The following CSMD3 variants were observed in gnomAD, a reference collection of about 807,000 sequenced individuals.
The protein encoded by CSMD3 is CUB and Sushi multiple domains 3.
CSMD3 carries 177 observed loss-of-function variants against 435.2 expected under a neutral mutation model. That is an observed-to-expected ratio of 0.41 (90% CI 0.36 to 0.46). The LOEUF (loss-of-function observed/expected upper bound fraction) is 0.46, where lower values mean the gene tolerates loss of function less well. Ranked by LOEUF, CSMD3 falls within the 20% of genes least tolerant of loss-of-function variation. The pLI is 0.34. For synonymous variants in CSMD3, 1,656 were observed against 1,520.5 expected, an observed-to-expected ratio of 1.09 and a Z score of -2.07; for missense variants, 4,265 against 4,504.6, an observed-to-expected ratio of 0.95 and a Z score of 1.52.
intron 4 of CSMD3, among the ~76,000 whole-genome samples, chr8:113,117,384 T>C (rs2090862681): frequency 6.6e-6 from 1 of 152,176 alleles, no homozygotes. Flanking sequence ...AAGTCAAGAA[T>C]TGAGGTTTGG....
intron 1 of CSMD3, among the ~76,000 whole-genome samples, chr8:113,320,925 T>G (rs1378937012): frequency 1.3e-5 from 2 of 151,950 alleles, no homozygotes; most frequent in East Asian, 3.9e-4. Flanking sequence ...GCATACCATG[T>G]AGAAACTAGT....
chr8:113,130,249 T>C (rs2091250846), intron 4 of CSMD3, among the ~76,000 whole-genome samples: 1 of 152,096 alleles, frequency 6.6e-6, no homozygotes, highest in African/African-American at 2.4e-5. Context: ...TAGGACTTTG[T>C]CAAATAGAAG....
chr8:112,899,562 T>A (rs565967486), intron 10 of CSMD3, among the ~76,000 whole-genome samples: 3 of 141,792 alleles, frequency 2.1e-5, no homozygotes, highest in Non-Finnish European at 3.1e-5. Context: ...GGGTTAGGTA[T>A]CTATACCAAC....
intron 32 of CSMD3, among the ~76,000 whole-genome samples, chr8:112,419,564 G>A (rs1280615825): frequency 6.6e-6 from 1 of 152,026 alleles, no homozygotes; most frequent in Non-Finnish European, 1.5e-5. Context: ...CAATTTCTTT[G>A]TGTGATACTT....
chr8:112,621,325 A>G (rs1251782670), intron 22 of CSMD3, among the ~76,000 whole-genome samples: 1 of 152,166 alleles, frequency 6.6e-6, no homozygotes, highest in Non-Finnish European at 1.5e-5. Flanking sequence ...GTATACAGAC[A>G]TCCTCTGGCA....
intron 7 of CSMD3, among the ~76,000 whole-genome samples, chr8:112,965,401 G>A (rs909829879): frequency 6.6e-6 from 1 of 151,828 alleles, no homozygotes; most frequent in Non-Finnish European, 1.5e-5. Context: ...GATATAGTGT[G>A]TTAATATAAA....
At chr8:112,724,061 A>C (rs1271198931) in intron 13 of CSMD3, among the ~76,000 whole-genome samples, 1 of 152,078 alleles carries the variant, frequency 6.6e-6, no homozygotes, top group Non-Finnish European at 1.5e-5. Flanking sequence ...AAATTATATA[A>C]TATTAGAAGG....
At chr8:112,676,041 A>G (rs1427023780) in intron 16 of CSMD3, among the ~76,000 whole-genome samples, 1 of 152,148 alleles carries the variant, frequency 6.6e-6, no homozygotes, top group Non-Finnish European at 1.5e-5. Flanking sequence ...AATGACTGAA[A>G]TAATAGAGTT....
intron 38 of CSMD3, among the ~76,000 whole-genome samples, chr8:112,366,596 C>T (rs1056795299): frequency 1.3e-5 from 2 of 152,116 alleles, no homozygotes. Flanking sequence ...TAGGGTTTCA[C>T]CATGTTGGCC....
intron 13 of CSMD3, among the ~76,000 whole-genome samples, chr8:112,758,514 C>T (rs4876294): frequency 1.3e-5 from 2 of 151,854 alleles, no homozygotes; most frequent in Non-Finnish European, 2.9e-5. Context: ...AATCTTGACA[C>T]GAGTCCAGTT....
At chr8:112,248,501 G>A (rs113637931) in intron 63 of CSMD3, among the ~76,000 whole-genome samples, 1 of 152,102 alleles carries the variant, frequency 6.6e-6, no homozygotes, top group African/African-American at 2.4e-5. Context: ...ATGATTAGAG[G>A]TGGAGGATGA....
At chr8:112,977,458 T>C (rs980739646) in intron 6 of CSMD3, among the ~76,000 whole-genome samples, 21 of 152,094 alleles carry the variant, frequency 1.4e-4, no homozygotes, top group Non-Finnish European at 2.6e-4. Flanking sequence ...GGTTTGAGAA[T>C]ACTCTGCCTT....
chr8:112,719,977 G>A (rs528177104), intron 13 of CSMD3, among the ~76,000 whole-genome samples: 10 of 152,210 alleles, frequency 6.6e-5, no homozygotes, highest in East Asian at 3.9e-4. Flanking sequence ...TGAGAGAGAC[G>A]AAGAACCTAT....
intron 10 of CSMD3, among the ~76,000 whole-genome samples, chr8:112,859,740 G>T (rs1042183191): frequency 5.3e-5 from 8 of 150,970 alleles, no homozygotes; most frequent in East Asian, 1.9e-4. Flanking sequence ...ATGAATTAAA[G>T]AACTCAGACT....
chr8:113,116,898 A>G (rs1411391476), intron 4 of CSMD3, among the ~76,000 whole-genome samples: 6 of 152,160 alleles, frequency 3.9e-5, no homozygotes, highest in Non-Finnish European at 5.9e-5. Flanking sequence ...TGCCTTAAAG[A>G]TCTGTGGAGA....
In CSMD3 at chr8:112,255,307, G is replaced by A. The variant is rs536934063; in HGVS notation, c.9983C>T (p.Thr3328Ile). 1.4e-5 allele frequency: 22 copies of A among 1,613,480 alleles called. No individual in the cohort carries two copies. The East Asian group carries it at 4.2e-4, about 31-fold the overall frequency. The change falls in exon 62 of 71, where the codon ACC becomes ATC. Residue 3328 changes from threonine to isoleucine, a missense_variant. This residue lies in a region of CSMD3 where 3,255 missense variants were observed against 3,380.2 expected (regional missense o/e 0.96). Transcript: ENST00000297405. Reference protein sequence around the residue: ...NFPFILVGSSTRICQADGTWS... With the variant: ...NFPFILVGSSIRICQADGTWS... ...AGTGCCATCTGCTTGACATATTCTG[G>A]TGCTTGATCCCACTAATATGAAAGG...
chr8:112,909,138 T>C (rs1262485293), intron 10 of CSMD3, among the ~76,000 whole-genome samples: 1 of 151,586 alleles, frequency 6.6e-6, no homozygotes, highest in East Asian at 1.9e-4. Flanking sequence ...AATAAATATA[T>C]ACTTGTAAAT....
At chr8:113,389,491 G>A (rs2094452871) in intron 1 of CSMD3, among the ~76,000 whole-genome samples, 1 of 151,568 alleles carries the variant, frequency 6.6e-6, no homozygotes, top group African/African-American at 2.4e-5. Flanking sequence ...CTTTTGATGT[G>A]CCATATATTG....
intron 28 of CSMD3, among the ~76,000 whole-genome samples, chr8:112,510,626 T>C (rs1331055289): frequency 6.6e-6 from 1 of 152,206 alleles, no homozygotes. Flanking sequence ...TCTCTTATTG[T>C]ATTTGTTTTT....
Sources: allele counts gnomAD v4.1 joint callset (sites outside exome capture counted in the v4.1 genomes callset), GRCh38; gene constraint gnomAD v4.1.1; regional missense constraint gnomAD v4.1.1; transcripts MANE v1.5; gene names NCBI Gene and HGNC (gene_info 2026-07-23, HGNC 2026-07-21).